The following STK33 variants were observed in gnomAD, a reference collection of about 807,000 sequenced individuals.
STK33 encodes serine/threonine kinase 33, also known as serine/threonine-protein kinase 33.
Under a neutral mutation model 58.0 loss-of-function variants are expected in STK33, and 52 were observed. The ratio of observed to expected loss-of-function variants is 0.90; its 90% confidence interval spans 0.72 to 1.13. The LOEUF (loss-of-function observed/expected upper bound fraction) is 1.13. Among genes scored for constraint, STK33 ranks in the 50% most tolerant of loss-of-function variants. The pLI is 0.00. For synonymous variants in STK33, 215 were observed against 200.1 expected (o/e 1.07, Z -0.63); for missense variants, 630 against 604.2 (o/e 1.04, Z -0.45).
intron 9 of STK33, among the ~76,000 whole-genome samples, chr11:8,455,509 A>T (rs191478671): frequency 6.6e-6 from 1 of 152,124 alleles, no homozygotes; most frequent in East Asian, 1.9e-4. Context: ...ATTTCCCTAG[A>T]CTTAAAAAGT....
At chr11:8,533,724 A>AC (rs1330287159) in intron 1 of STK33, among the ~76,000 whole-genome samples, 1 of 151,530 alleles carries the variant, frequency 6.6e-6, no homozygotes, top group African/African-American at 2.4e-5. Flanking sequence ...TAAAATAAAG[A>AC]CCCCCAAGAA....
At chr11:8,575,772 C>T (rs543838668) in intron 1 of STK33, among the ~76,000 whole-genome samples, 18 of 152,126 alleles carry the variant, frequency 1.2e-4, no homozygotes, top group African/African-American at 4.3e-4. Context: ...GATAACAGAT[C>T]ACGACCAAGT....
At chr11:8,430,866 A>ATTT (rs11423343) in intron 14 of STK33, among the ~76,000 whole-genome samples, 5 of 133,826 alleles carry the variant, frequency 3.7e-5, no homozygotes, top group African/African-American at 5.6e-5. Flanking sequence ...CCTTAACATA[A>ATTT]TTTTTTTTTT....
chr11:8,470,521 AC>A (rs1293988683), intron 6 of STK33, among the ~76,000 whole-genome samples: 1 of 152,216 alleles, frequency 6.6e-6, no homozygotes, highest in Non-Finnish European at 1.5e-5. Context: ...ATTTCATTCA[AC>A]AAATTTTCTT....
At chr11:8,581,934 T>C (rs1053697285) in intron 1 of STK33, among the ~76,000 whole-genome samples, 2 of 152,236 alleles carry the variant, frequency 1.3e-5, no homozygotes, top group Non-Finnish European at 2.9e-5. Context: ...TGAATTGTAA[T>C]GCCATTTGAA....
chr11:8,553,044 T>C (rs1460783502), intron 1 of STK33, among the ~76,000 whole-genome samples: 1 of 150,190 alleles, frequency 6.7e-6, no homozygotes, highest in Non-Finnish European at 1.5e-5. Flanking sequence ...TAGTCCCAGA[T>C]ACTCAGGAAG....
At chr11:8,378,783 GA>G in the STK33 span, among the ~76,000 whole-genome samples, 140 of 149,314 alleles carry the variant, frequency 9.4e-4, no homozygotes, top group Non-Finnish European at 1.7e-3. Flanking sequence ...CACAGAGTTA[GA>G]AAAAAAAAAT....
chr11:8,392,279 T>C lies in STK33; in HGVS notation c.*231A>G, dbSNP rs1564831822. 2 of 558,026 alleles carry C rather than the reference T, an allele frequency of 3.6e-6. No individual in the cohort carries two copies. Among genetic ancestry groups the C allele is most frequent in the Non-Finnish European group, 3.2e-6 (1 of 316,012 alleles). 34.6% of individuals were successfully genotyped at this position (558,026 alleles called of 1,614,324 possible). ...GTGTACATCTTGAGTTGATTTCCAC[T>C]GCAGCCCACTGCCAAGCCTACTGGT... is the stretch of plus-strand genomic sequence containing the variant. On this transcript the variant is annotated 3_prime_UTR_variant, in exon 16 of 16. Coordinates refer to ENST00000687296, the MANE Select transcript of STK33 (RefSeq NM_001352389.2).
At chr11:8,341,690 G>A in the STK33 span, among the ~76,000 whole-genome samples, 1 of 152,336 alleles carries the variant, frequency 6.6e-6, no homozygotes, top group East Asian at 1.9e-4. Context: ...TTTAGAAGCT[G>A]GAGGTTAGGA....
At chr11:8,503,064 T>C (rs750479070) in intron 1 of STK33, among the ~76,000 whole-genome samples, 2 of 151,876 alleles carry the variant, frequency 1.3e-5, no homozygotes, top group Admixed American at 6.6e-5. Context: ...AGAAAGCAGT[T>C]TGACGACTTC....
chr11:8,571,624 G>C (rs915948728), intron 1 of STK33, among the ~76,000 whole-genome samples: 5 of 152,074 alleles, frequency 3.3e-5, no homozygotes, highest in Non-Finnish European at 7.4e-5. Flanking sequence ...ACGAGGTCAG[G>C]AGATCGAGAC....
intron 7 of STK33, among the ~76,000 whole-genome samples, chr11:8,464,148 A>T (rs1446215270): frequency 6.6e-6 from 1 of 152,228 alleles, no homozygotes; most frequent in Admixed American, 6.5e-5. Context: ...CTGAGGTCTT[A>T]GATTTTATCG....
chr11:8,443,156 C>G (rs1944983601), intron 11 of STK33, among the ~76,000 whole-genome samples: 1 of 152,132 alleles, frequency 6.6e-6, no homozygotes, highest in Admixed American at 6.5e-5. Flanking sequence ...GTGTCAAAGA[C>G]CTTTCTTGGT....
At chr11:8,396,815 AT>A (rs1849427954) in intron 15 of STK33, among the ~76,000 whole-genome samples, 1 of 152,196 alleles carries the variant, frequency 6.6e-6, no homozygotes, top group African/African-American at 2.4e-5. Flanking sequence ...AGGAGATTAT[AT>A]CCCGTGCCTG....
chr11:8,585,477 A>C (rs1250055087), intron 1 of STK33, among the ~76,000 whole-genome samples: 1 of 150,110 alleles, frequency 6.7e-6, no homozygotes, highest in Admixed American at 6.6e-5. Flanking sequence ...CACCCGCCTC[A>C]GCCTCCCAAA....
chr11:8,452,991 G>C (rs1421567427), intron 10 of STK33, 85 bp from the exon 11 acceptor site: 6 of 1,236,496 alleles, frequency 4.9e-6, no homozygotes, highest in Non-Finnish European at 5.9e-6. Context: ...CATTGAATTT[G>C]CATTGAATTC....
chr11:8,499,838 CAT>C (rs1951373140), intron 1 of STK33, among the ~76,000 whole-genome samples: 1 of 152,082 alleles, frequency 6.6e-6, no homozygotes, highest in African/African-American at 2.4e-5. Context: ...CCAAACACCA[CAT>C]GTTCTCACTC....
intron 1 of STK33, among the ~76,000 whole-genome samples, chr11:8,524,306 G>A (rs138439103): frequency 0.011 from 1,658 of 151,338 alleles, 15 homozygotes; most frequent in Middle Eastern, 0.041. Context: ...ACCCAAGAAC[G>A]ATCAATAAAT....
intron 14 of STK33, among the ~76,000 whole-genome samples, chr11:8,423,850 T>A (rs1022362058): frequency 1.7e-4 from 26 of 152,044 alleles, no homozygotes; most frequent in Non-Finnish European, 3.1e-4. Context: ...ATGTTGTCAA[T>A]TTTTGATATA....
Sources: gnomAD v4.1 joint callset for allele counts (sites outside exome capture counted in the v4.1 genomes callset) on GRCh38, gnomAD v4.1.1 for gene constraint, MANE v1.5 for transcripts, NCBI Gene and HGNC (gene_info 2026-07-23, HGNC 2026-07-21) for gene names.